PPP2R2B: variants seen among roughly 807,000 people sequenced by gnomAD.
PPP2R2B encodes serine/threonine-protein phosphatase 2A 55 kDa regulatory subunit B beta isoform.
PPP2R2B carries 5 observed loss-of-function variants against 46.0 expected under a neutral mutation model. That is an observed-to-expected ratio of 0.11 (90% CI 0.06 to 0.23). The LOEUF (loss-of-function observed/expected upper bound fraction) is 0.23, where lower values mean the gene tolerates loss of function less well. PPP2R2B is among the 10% of genes least tolerant of loss of function. The pLI is 1.00. For missense variants in PPP2R2B, 367 were observed against 575.0 expected (o/e 0.64, Z 3.70); for synonymous variants, 215 against 206.7 (o/e 1.04, Z -0.34).
intron 7 of PPP2R2B, among the ~76,000 whole-genome samples, chr5:146,625,964 C>T (rs1385058498): frequency 6.6e-6 from 1 of 152,156 alleles, no homozygotes; most frequent in East Asian, 1.9e-4. Flanking sequence ...GGGCCATTAG[C>T]CATGGAATGT....
chr5:147,005,573 T>A (rs1016587345), intron 1 of PPP2R2B, among the ~76,000 whole-genome samples: 1 of 152,104 alleles, frequency 6.6e-6, no homozygotes, highest in Non-Finnish European at 1.5e-5. Flanking sequence ...GGCAGTCTTA[T>A]ACTGCTGAAG....
At chr5:147,045,680 T>C (rs1283769264) in intron 1 of PPP2R2B, among the ~76,000 whole-genome samples, 1 of 152,136 alleles carries the variant, frequency 6.6e-6, no homozygotes, top group Non-Finnish European at 1.5e-5. Flanking sequence ...CCCTCGATAA[T>C]TTACAGTTGC....
chr5:146,990,621 A>C (rs1193736171), intron 1 of PPP2R2B, among the ~76,000 whole-genome samples: 1 of 152,164 alleles, frequency 6.6e-6, no homozygotes, highest in Non-Finnish European at 1.5e-5. Flanking sequence ...TATTAGTAGA[A>C]AATATAGGGG....
At position 146,846,357 on chromosome 5, in the gene PPP2R2B, C is replaced by A. The variant is rs1356568378; in HGVS notation, c.70+31645G>T. On this transcript the variant is annotated intron_variant, in intron 2 of 9. Coordinates refer to ENST00000394411, the MANE Select transcript of PPP2R2B (RefSeq NM_181675.4). Reference sequence around the variant, plus strand: ...TTGCGCCACCACACTCCAGCCTGGGCGACAGAGTGAGACTCCATTTCAAAA... The same window carrying A: ...TTGCGCCACCACACTCCAGCCTGGGAGACAGAGTGAGACTCCATTTCAAAA... Among the ~76,000 whole-genome samples, 3 of 148,922 alleles carry A rather than the reference C, an allele frequency of 2.0e-5. No homozygotes were observed. The Admixed American group carries it at 2.0e-4, about 10-fold the overall frequency.
intron 6 of PPP2R2B, among the ~76,000 whole-genome samples, chr5:146,644,877 G>T (rs1341724548): frequency 2.0e-5 from 3 of 152,172 alleles, no homozygotes; most frequent in Non-Finnish European, 4.4e-5. Context: ...CCTTTGTGAG[G>T]TGACTTTCAT....
intron 1 of PPP2R2B, among the ~76,000 whole-genome samples, chr5:146,956,653 G>A (rs1346580413): frequency 6.6e-6 from 1 of 152,166 alleles, no homozygotes; most frequent in East Asian, 1.9e-4. Flanking sequence ...ATATGCATAT[G>A]TATGTATATA....
chr5:147,010,027 A>G (rs1033342405), intron 1 of PPP2R2B, among the ~76,000 whole-genome samples: 1 of 152,136 alleles, frequency 6.6e-6, no homozygotes, highest in Non-Finnish European at 1.5e-5. Context: ...CTTAATCAAG[A>G]GCAAAGTGAG....
At chr5:146,753,656 G>C (rs1753684819) in intron 2 of PPP2R2B, among the ~76,000 whole-genome samples, 1 of 152,094 alleles carries the variant, frequency 6.6e-6, no homozygotes, top group Admixed American at 6.6e-5. Flanking sequence ...AAAGATAAGT[G>C]AGAAGTGGGA....
intron 2 of PPP2R2B, among the ~76,000 whole-genome samples, chr5:146,781,212 C>T (rs1430567174): frequency 7.9e-6 from 1 of 126,176 alleles, no homozygotes; most frequent in Non-Finnish European, 1.6e-5. Flanking sequence ...GAAACTAAAA[C>T]AGACACACTA....
At chr5:146,854,713 C>T (rs546122137) in intron 2 of PPP2R2B, among the ~76,000 whole-genome samples, 2 of 152,290 alleles carry the variant, frequency 1.3e-5, no homozygotes, top group South Asian at 4.1e-4. Context: ...GTACCTCACA[C>T]TGATCGCTAA....
intron 2 of PPP2R2B, among the ~76,000 whole-genome samples, chr5:146,817,688 C>T (rs984782814): frequency 2.6e-5 from 4 of 152,234 alleles, no homozygotes; most frequent in Non-Finnish European, 4.4e-5. Context: ...TATGGAAACT[C>T]GTAAAATAAA....
chr5:147,022,404 A>T (rs6891607), intron 1 of PPP2R2B, among the ~76,000 whole-genome samples: 4 of 151,798 alleles, frequency 2.6e-5, no homozygotes, highest in Non-Finnish European at 5.9e-5. Flanking sequence ...TAAAATAAAA[A>T]AAAAAAAATT....
At chr5:146,837,808 T>C (rs1359681030) in intron 2 of PPP2R2B, among the ~76,000 whole-genome samples, 4 of 152,240 alleles carry the variant, frequency 2.6e-5, no homozygotes, top group Non-Finnish European at 5.9e-5. Flanking sequence ...TTCTGATGGC[T>C]ATCTTGTCGA....
At chr5:146,599,686 A>G (rs983005535) in intron 8 of PPP2R2B, among the ~76,000 whole-genome samples, 4 of 152,194 alleles carry the variant, frequency 2.6e-5, no homozygotes, top group African/African-American at 9.7e-5. Context: ...TCTGAGATAC[A>G]TGTGCAGAAC....
intron 2 of PPP2R2B, among the ~76,000 whole-genome samples, chr5:146,861,429 G>A (rs982859349): frequency 2.5e-4 from 38 of 152,136 alleles, no homozygotes; most frequent in African/African-American, 8.7e-4. Flanking sequence ...CTGACCTCGT[G>A]ATCCACCCAG....
intron 8 of PPP2R2B, among the ~76,000 whole-genome samples, chr5:146,596,119 A>C (rs1771145792): frequency 6.6e-6 from 1 of 152,242 alleles, no homozygotes; most frequent in Non-Finnish European, 1.5e-5. Flanking sequence ...GCCATAGAAG[A>C]TATGTAAATG....
In PPP2R2B at chr5:147,033,384, C is replaced by G. The variant is rs936024160; in HGVS notation, c.79+22281G>C. Among the ~76,000 whole-genome samples, 12 of 152,094 alleles carry G rather than the reference C, an allele frequency of 7.9e-5. 1 individual carries two copies. Among genetic ancestry groups the G allele is most frequent in the Admixed American group, 6.5e-4 (10 of 15,274 alleles). ...TCAAAGTTAATCTTACTAACTTCTC[C>G]CATTAGAACATAAGTTGCATTGGAA... On this transcript the variant is annotated intron_variant, in intron 1 of 8. Coordinates refer to the PPP2R2B transcript ENST00000336640.
chr5:146,757,284 G>A (rs1039153773), intron 2 of PPP2R2B, among the ~76,000 whole-genome samples: 1 of 152,150 alleles, frequency 6.6e-6, no homozygotes, highest in African/African-American at 2.4e-5. Flanking sequence ...CGGGAACATG[G>A]TTTTATATAA....
rs1034547590 is a variant in PPP2R2B, at chr5:146,582,584, A to G, written c.*7363T>C. Reference sequence around the variant, plus strand: ...TCTGATGCCCTGTTTGGATCTCCATATATCATTCAAACTCCCAATGGCATG... The same window carrying G: ...TCTGATGCCCTGTTTGGATCTCCATGTATCATTCAAACTCCCAATGGCATG... On this transcript the variant is annotated 3_prime_UTR_variant, in exon 10 of 10. Transcript: ENST00000394411. 2.0e-5 allele frequency: 3 copies of G among 152,210 alleles called. No homozygotes were observed. Among genetic ancestry groups the G allele is most frequent in the Admixed American group, 6.5e-5 (1 of 15,282 alleles). 9.4% of individuals were successfully genotyped at this position (152,210 alleles called of 1,614,324 possible). A position where few individuals can be genotyped will look rare whatever the true frequency, so the allele number is the denominator to read the frequency against.
Sources: gnomAD v4.1 joint callset for allele counts (sites outside exome capture counted in the v4.1 genomes callset) on GRCh38, gnomAD v4.1.1 for gene constraint, MANE v1.5 for transcripts, NCBI Gene and HGNC (gene_info 2026-07-23, HGNC 2026-07-21) for gene names.